Variants in GEN1 observed in about 807,000 individuals in gnomAD.
GEN1 encodes the protein flap endonuclease GEN homolog 1.
A neutral mutation model predicts 67.6 loss-of-function variants in GEN1; 64 were observed. That is an observed-to-expected ratio of 0.95 (90% confidence interval 0.77 to 1.17). The LOEUF (loss-of-function observed/expected upper bound fraction) is 1.17, where lower values mean the gene tolerates loss of function less well. Among genes scored for constraint, GEN1 ranks in the 50% most tolerant of loss-of-function variants. GEN1 has a pLI of 0.00. For synonymous variants in GEN1, 371 were observed against 359.4 expected (o/e 1.03, Z -0.37); for missense variants, 1,058 against 1,048.3 (o/e 1.01, Z -0.13).
chr2:17,772,787 A>C lies in GEN1; in HGVS notation c.953+3A>C, dbSNP rs773872904. ...GAAGTAGAGAACAATATTAAGAAGTAAGTTTTTTTAAAAACTCATGATTTT... is the reference window on the plus strand; with the variant it reads ...GAAGTAGAGAACAATATTAAGAAGTCAGTTTTTTTAAAAACTCATGATTTT... On this transcript the variant is annotated splice_donor_region_variant and intron_variant, in intron 8 of 13. Coordinates refer to ENST00000381254, the MANE Select transcript of GEN1 (RefSeq NM_001130009.3). The C allele has an allele frequency of 6.2e-7, 1 of 1,601,060 alleles. No individual in the cohort carries two copies. Among genetic ancestry groups the C allele is most frequent in the East Asian group, 2.2e-5 (1 of 44,680 alleles).
chr2:17,768,248 C>G (rs1672021786), intron 5 of GEN1, among the ~76,000 whole-genome samples: 1 of 152,166 alleles, frequency 6.6e-6, no homozygotes, highest in Non-Finnish European at 1.5e-5. Flanking sequence ...GAAATTCACA[C>G]TTTAAATTTT....
chr2:17,761,668 T>C (rs982574006), intron 3 of GEN1, 86 bp downstream of exon 3: 37 of 882,716 alleles, frequency 4.2e-5, no homozygotes, highest in Non-Finnish European at 5.3e-5. Context: ...TTAATACTTA[T>C]TAATTTTATT....
At chr2:17,778,202 A>ATATATGTATACACACACATATGTG in intron 12 of GEN1, 139 bp downstream of exon 12, 1 of 223,984 alleles carries the variant, frequency 4.5e-6, no homozygotes. Context: ...ACACACATAT[A>ATATATGTATACACACACATATGTG]TGTGTATATA....
At chr2:17,766,719 A>G in intron 5 of GEN1, 30 bp downstream of exon 5, 2 of 1,223,460 alleles carry the variant, frequency 1.6e-6, no homozygotes, top group Non-Finnish European at 2.4e-6. Flanking sequence ...TTTATTTGCT[A>G]TTCATAAAGT....
chr2:17,766,791 G>T (rs1012885384), intron 5 of GEN1, 102 bp downstream of exon 5: 5 of 589,916 alleles, frequency 8.5e-6, no homozygotes, highest in Non-Finnish European at 1.5e-5. Flanking sequence ...ATTAAAAATC[G>T]AATTTAAAAT....
chr2:17,765,948 A>AATATATATATATAT (rs10607623), intron 4 of GEN1, among the ~76,000 whole-genome samples: 2 of 148,970 alleles, frequency 1.3e-5, no homozygotes, highest in Admixed American at 1.3e-4. Flanking sequence ...TACTTTCTAT[A>AATATATATATATAT]ATATATATAT....
Position 17,774,309 on chromosome 2 carries a change from T to G in GEN1, c.1110T>G (p.Tyr370Ter), listed in dbSNP as rs1470573445. 1 of 1,595,286 alleles carries G rather than the reference T, an allele frequency of 6.3e-7. No individual in the cohort carries two copies. The highest frequency in any genetic ancestry group is 8.6e-7 in the Non-Finnish European group (1 of 1,165,168). Residue 370 changes from tyrosine (Y) to a stop codon, truncating the protein, a stop_gained, in exon 11 of 14, where the codon TAT becomes TAG. Transcript: ENST00000381254. LOFTEE classifies it high-confidence loss of function. Reference protein sequence around the residue: ...TLEKMEWPNHYACEKLLVLLT... With the variant: ...TLEKMEWPNH ...AAAAAATGGAGTGGCCCAATCACTA[T>G]GCATGTGAGAAATTGCTGGTACTTT...
chr2:17,786,790 G>A lies in GEN1; in HGVS notation c.*4851G>A, dbSNP rs1447932508. On this transcript the variant is annotated 3_prime_UTR_variant, in exon 14 of 14. Coordinates refer to ENST00000381254, the MANE Select transcript of GEN1 (RefSeq NM_001130009.3). ...CCAAACTAGAATGCAGACTTGATGA[G>A]GGCAGGGACTAAGTCCTTTCTGTTC... The A allele has an allele frequency of 6.6e-6, 1 of 151,952 alleles. No homozygotes were observed. Among genetic ancestry groups the A allele is most frequent in the African/African-American group, 2.4e-5 (1 of 41,340 alleles). The allele number at this position is 151,952 out of a possible 1,614,324, so 9.4% of individuals were successfully genotyped here.
chr2:17,769,667 T>C (rs1672096258), intron 6 of GEN1, among the ~76,000 whole-genome samples: 1 of 152,218 alleles, frequency 6.6e-6, no homozygotes, highest in South Asian at 2.1e-4. Context: ...TATTTAATAA[T>C]AACATTAATT....
At chr2:17,777,120 C>CAA (rs915296869) in intron 11 of GEN1, among the ~76,000 whole-genome samples, 4 of 138,720 alleles carry the variant, frequency 2.9e-5, no homozygotes, top group Non-Finnish European at 4.7e-5. Flanking sequence ...GAGCAAGACT[C>CAA]AAAAAAAAAA....
At chr2:17,776,994 T>C (rs6531055) in intron 11 of GEN1, among the ~76,000 whole-genome samples, 100,059 of 151,924 alleles carry the variant, frequency 0.66, 33,560 homozygotes, top group East Asian at 0.99. Context: ...GACCTGGTGG[T>C]ACATGCCTGT....
chr2:17,778,283 CACACACAT>C (rs1672591763), intron 12 of GEN1, among the ~76,000 whole-genome samples: 2 of 114,406 alleles, frequency 1.7e-5, no homozygotes, highest in African/African-American at 9.1e-5. Flanking sequence ...TATGTATATA[CACACACAT>C]GTGTGTGTAC....
chr2:17,780,743 A>G lies in GEN1; in HGVS notation c.1531A>G (p.Ile511Val). ...GCAGAATTCCAAGTTAAATTCGGGG[A>G]TTTCCCCTGATCCTACATTACCACA... Reference protein sequence around the residue: ...HKQNSKLNSGISPDPTLPQES... With the variant: ...HKQNSKLNSGVSPDPTLPQES... The change falls in exon 14 of 14, where the codon ATT becomes GTT. Residue 511 changes from isoleucine to valine, a missense_variant. Transcript: ENST00000381254. 1 of 1,613,994 alleles carries G rather than the reference A, an allele frequency of 6.2e-7. No homozygotes were observed. The highest frequency in any genetic ancestry group is 1.3e-5 in the African/African-American group (1 of 75,048).
chr2:17,768,687 C>G (rs1256839338), intron 5 of GEN1, 51 bp from the exon 6 acceptor site: 1 of 1,282,622 alleles, frequency 7.8e-7, no homozygotes, highest in Non-Finnish European at 1.1e-6. Flanking sequence ...ATACTTTTAA[C>G]CATTCCTAGT....
At position 17,780,021 on chromosome 2, in the gene GEN1, A is replaced by G. The variant is rs1178415979; in HGVS notation, c.1308A>G (p.Leu436=). ...MEDKQHGEFA[L]LTIEEESLFE... is the part of the protein sequence containing the mutation. ...ATAAACAACATGGAGAATTTGCTTT[A>G]TTAACAATTGAGGAAGAATCATTGT... The change falls in exon 13 of 14, where the codon TTA becomes TTG. Residue 436 remains leucine, a synonymous_variant. Transcript: ENST00000381254. 2 of 1,602,520 alleles carry G rather than the reference A, an allele frequency of 1.2e-6. No homozygotes were observed. Among genetic ancestry groups the G allele is most frequent in the South Asian group, 1.1e-5 (1 of 90,810 alleles).
At chr2:17,763,054 A>G (rs1400998733) in intron 3 of GEN1, among the ~76,000 whole-genome samples, 3 of 152,212 alleles carry the variant, frequency 2.0e-5, no homozygotes, top group Admixed American at 1.3e-4. Context: ...TCCTTTACCT[A>G]CTTACCTCTT....
At chr2:17,759,542 T>C (rs1671578283) in intron 1 of GEN1, among the ~76,000 whole-genome samples, 2 of 152,178 alleles carry the variant, frequency 1.3e-5, no homozygotes, top group Admixed American at 6.5e-5. Context: ...AAGTTTTCCT[T>C]TATTAACCCC....
intron 6 of GEN1, among the ~76,000 whole-genome samples, chr2:17,769,050 C>T (rs1211686558): frequency 6.6e-6 from 1 of 151,852 alleles, no homozygotes; most frequent in Admixed American, 6.6e-5. Flanking sequence ...GACAAGGTCT[C>T]ACTGTGTCGC....
intron 6 of GEN1, among the ~76,000 whole-genome samples, chr2:17,769,120 A>C (rs764821414): frequency 2.0e-5 from 3 of 152,152 alleles, no homozygotes; most frequent in Non-Finnish European, 4.4e-5. Flanking sequence ...GCCGGAGTCA[A>C]GTGATCCTCC....
Sources: gnomAD v4.1 joint callset for allele counts (sites outside exome capture counted in the v4.1 genomes callset) on GRCh38, gnomAD v4.1.1 for gene constraint, MANE v1.5 for transcripts, NCBI Gene and HGNC (gene_info 2026-07-23, HGNC 2026-07-21) for gene names.